BCAS2: variants seen among roughly 807,000 people sequenced by gnomAD.
BCAS2 encodes the protein BCAS2 pre-mRNA processing factor.
BCAS2 carries 34 observed loss-of-function variants against 35.3 expected under a neutral mutation model. The observed-to-expected ratio is 0.96, with a 90% CI of 0.73 to 1.28. The LOEUF is 1.28. Ranked by LOEUF, BCAS2 falls within the 50% of genes most tolerant of loss-of-function variation. The pLI is 0.00. For missense variants in BCAS2, 221 were observed against 268.1 expected (o/e 0.82, Z 1.23); for synonymous variants, 75 against 91.6 (o/e 0.82, Z 1.03).
At chr1:114,581,454 G>A (rs770489944) in intron 1 of BCAS2, 45 bp downstream of exon 1, 12 of 1,613,632 alleles carry the variant, frequency 7.4e-6, no homozygotes, top group East Asian at 2.2e-5. Flanking sequence ...TTTCAGTACC[G>A]AGCCAGCTAG....
intron 2 of BCAS2, among the ~76,000 whole-genome samples, chr1:114,577,792 T>C (rs1654801943): frequency 6.6e-6 from 1 of 152,250 alleles, no homozygotes; most frequent in Non-Finnish European, 1.5e-5. Flanking sequence ...TTTGTAGTAA[T>C]ACTTCGGTTA....
In BCAS2 at chr1:114,570,718, T is replaced by G; in HGVS notation, c.452A>C (p.Lys151Thr). 6.3e-7 allele frequency: 1 copy of G among 1,592,410 alleles called. No homozygotes were observed. The highest frequency in any genetic ancestry group is 8.6e-7 in the Non-Finnish European group (1 of 1,165,888). The change falls in exon 5 of 7, where the codon AAG (lysine) becomes ACG (threonine). Residue 151 changes from lysine (K) to threonine (T), a missense_variant. By Grantham distance (78) the Lys-to-Thr change is moderately conservative (BLOSUM62 -1). Transcript: ENST00000369541. ...AATTTACCTTAACTTCTGAAGTTCC[T>G]TCTGTGCGTGTTCAATCATATGAAC... The part of the protein sequence containing the change: ...NLVHMIEHAQ[K>T]ELQKLRKHIQ...
chr1:114,580,002 C>T (rs1346378271), intron 2 of BCAS2, among the ~76,000 whole-genome samples: 1 of 151,174 alleles, frequency 6.6e-6, no homozygotes, highest in Non-Finnish European at 1.5e-5. Context: ...ATTATCATGG[C>T]TCACTGTAGC....
chr1:114,569,080 A>C (rs1654589800), intron 6 of BCAS2, among the ~76,000 whole-genome samples: 1 of 152,126 alleles, frequency 6.6e-6, no homozygotes, highest in East Asian at 1.9e-4. Context: ...ATTATTTCTT[A>C]CAATTGCATG....
At chr1:114,578,261 T>C (rs571886713) in intron 2 of BCAS2, among the ~76,000 whole-genome samples, 5 of 152,260 alleles carry the variant, frequency 3.3e-5, no homozygotes, top group African/African-American at 1.2e-4. Flanking sequence ...CATTTCTTTC[T>C]GCAGAAAGTA....
rs372140487 is a variant in BCAS2, at chr1:114,570,068, G to A, written c.475C>T (p.His159Tyr). ...CTCTGCCAGTTTAAATCTTGAATAT[G>A]TTTTCTGTAAAAAATTATTTATACA... ...AQKELQKLRK[H>Y]IQDLNWQRKN... The change falls in exon 6 of 7, where the codon CAT becomes TAT. Residue 159 changes from histidine (H) to tyrosine (Y), a missense_variant. Transcript: ENST00000369541. The A allele has an allele frequency of 8.1e-6, 13 of 1,606,602 alleles. No individual in the cohort carries two copies. The highest frequency in any genetic ancestry group is 1.1e-5 in the Non-Finnish European group (13 of 1,174,018).
At chr1:114,581,137 G>A (rs958105860) in intron 2 of BCAS2, among the ~76,000 whole-genome samples, 162 bp downstream of exon 2, 1 of 152,098 alleles carries the variant, frequency 6.6e-6, no homozygotes, top group Non-Finnish European at 1.5e-5. Flanking sequence ...TAAGAACCTC[G>A]GAGAAGACTT....
At chr1:114,573,048 G>A (rs1247611882) in intron 4 of BCAS2, among the ~76,000 whole-genome samples, 1 of 144,988 alleles carries the variant, frequency 6.9e-6, no homozygotes. Flanking sequence ...GGGTTGCAGT[G>A]AGCTGAGATT....
intron 4 of BCAS2, among the ~76,000 whole-genome samples, chr1:114,573,122 C>CAAAAAA (rs34796829): frequency 7.9e-4 from 5 of 6,368 alleles, no homozygotes; most frequent in African/African-American, 3.1e-3. Context: ...CCCCCACCTC[C>CAAAAAA]AAAAAAAAAA....
intron 2 of BCAS2, among the ~76,000 whole-genome samples, chr1:114,579,872 A>C (rs938093606): frequency 1.3e-5 from 2 of 152,214 alleles, no homozygotes; most frequent in African/African-American, 4.8e-5. Flanking sequence ...TCTCAAACAA[A>C]AACAACAACA....
At position 114,575,752 on chromosome 1, in the gene BCAS2, C is replaced by A. The variant is rs759213692; in HGVS notation, c.258-1G>T. ...AGAGGAGGGGGCTGGAAGCTCATAT[C>A]TGAAATTAAACAACAAAATAAAATA... is the stretch of plus-strand genomic sequence containing the variant. On this transcript the variant is annotated splice_acceptor_variant, in intron 3 of 6. Coordinates refer to ENST00000369541, the MANE Select transcript of BCAS2 (RefSeq NM_005872.3). LOFTEE classifies it high-confidence loss of function. 1 of 1,610,178 alleles carries A rather than the reference C, an allele frequency of 6.2e-7. No homozygotes were observed. The highest frequency in any genetic ancestry group is 8.5e-7 in the Non-Finnish European group (1 of 1,179,124).
At chr1:114,570,623 GCTTT>G (rs1031777392) in intron 5 of BCAS2, 73 bp downstream of exon 5, 3 of 1,013,074 alleles carry the variant, frequency 3.0e-6, no homozygotes, top group Non-Finnish European at 1.5e-6. Context: ...CAGTCTCTTT[GCTTT>G]CTTTTTCCTC....
chr1:114,579,764 G>A (rs1399481563), intron 2 of BCAS2, among the ~76,000 whole-genome samples: 1 of 152,098 alleles, frequency 6.6e-6, no homozygotes, highest in Non-Finnish European at 1.5e-5. Flanking sequence ...TACTCGGGAG[G>A]CTGAGGCAGG....
intron 2 of BCAS2, among the ~76,000 whole-genome samples, chr1:114,579,643 A>T (rs1654841551): frequency 6.6e-6 from 1 of 152,052 alleles, no homozygotes; most frequent in Non-Finnish European, 1.5e-5. Flanking sequence ...AGGTGGGTGG[A>T]TCACTTGAGG....
At chr1:114,570,268 T>TCACACACACACA (rs61232118) in intron 5 of BCAS2, among the ~76,000 whole-genome samples, 196 bp from the exon 6 acceptor site, 3,942 of 150,590 alleles carry the variant, frequency 0.026, 90 homozygotes, top group Non-Finnish European at 0.034. Flanking sequence ...TTGTGAGAAA[T>TCACACACACACA]CACACACACA....
intron 4 of BCAS2, among the ~76,000 whole-genome samples, chr1:114,575,370 T>A (rs183052751): frequency 3.3e-4 from 50 of 150,592 alleles, no homozygotes; most frequent in Middle Eastern, 3.4e-3. Context: ...TGTATTTTTT[T>A]TTTTTGTAGA....
At chr1:114,570,808 G>T in intron 4 of BCAS2, 58 bp from the exon 5 acceptor site, 2 of 1,266,430 alleles carry the variant, frequency 1.6e-6, no homozygotes, top group South Asian at 1.3e-5. Context: ...AATTAAAAGT[G>T]AACTTTTTCA....
intron 2 of BCAS2, among the ~76,000 whole-genome samples, chr1:114,577,369 A>AT (rs1313206833): frequency 3.5e-5 from 5 of 141,908 alleles, no homozygotes; most frequent in African/African-American, 1.0e-4. Context: ...TAATTTATTT[A>AT]TTTATTTATT....
At chr1:114,576,807 A>G in intron 2 of BCAS2, 49 bp from the exon 3 acceptor site, 1 of 1,389,724 alleles carries the variant, frequency 7.2e-7, no homozygotes, top group Non-Finnish European at 1.0e-6. Flanking sequence ...TTGACAACTA[A>G]AAATTAACAA....
Sources: allele counts gnomAD v4.1 joint callset (sites outside exome capture counted in the v4.1 genomes callset), GRCh38; gene constraint gnomAD v4.1.1; transcripts MANE v1.5; gene names NCBI Gene and HGNC (gene_info 2026-07-23, HGNC 2026-07-21).